Variants in PRDM5 observed in about 807,000 individuals in gnomAD.
PRDM5 encodes PR/SET domain 5, also known as PR domain zinc finger protein 5.
Under a neutral mutation model 81.2 loss-of-function variants are expected in PRDM5, and 56 were observed. The observed-to-expected ratio is 0.69, with a 90% CI of 0.56 to 0.86. The LOEUF is 0.86. Among genes scored for constraint, PRDM5 ranks in the 40% least tolerant of loss-of-function variants. The pLI is 0.00. For synonymous variants in PRDM5, 267 were observed against 256.4 expected (o/e 1.04, Z -0.39); for missense variants, 697 against 770.1 (o/e 0.91, Z 1.12).
intron 2 of PRDM5, among the ~76,000 whole-genome samples, chr4:120,888,935 T>A (rs1021722835): frequency 1.2e-4 from 19 of 152,202 alleles, no homozygotes; most frequent in Non-Finnish European, 2.1e-4. Context: ...TTCTTTTTTT[T>A]AAATTGATTT....
chr4:120,773,047 T>A (rs1380705314), intron 13 of PRDM5, among the ~76,000 whole-genome samples: 1 of 152,208 alleles, frequency 6.6e-6, no homozygotes. Flanking sequence ...CCTTTGTGTA[T>A]AATCTTTTTA....
intron 2 of PRDM5, among the ~76,000 whole-genome samples, chr4:120,867,752 T>C (rs1761352127): frequency 6.6e-6 from 1 of 152,240 alleles, no homozygotes; most frequent in African/African-American, 2.4e-5. Context: ...AACTACCCTT[T>C]AAAATAAGTC....
chr4:120,819,952 A>T (rs1480841611), intron 4 of PRDM5, among the ~76,000 whole-genome samples: 1 of 152,230 alleles, frequency 6.6e-6, no homozygotes, highest in Non-Finnish European at 1.5e-5. Flanking sequence ...ATGCAGTTAG[A>T]ACAGAAAAAG....
chr4:120,816,137 C>A, intron 7 of PRDM5: 1 of 321,730 alleles, frequency 3.1e-6, no homozygotes, highest in Non-Finnish European at 5.9e-6. Context: ...AGAAATGTCA[C>A]ATGCCAAAAC....
intron 13 of PRDM5, among the ~76,000 whole-genome samples, chr4:120,760,771 A>G (rs1174022872): frequency 6.6e-6 from 1 of 151,980 alleles, no homozygotes; most frequent in Admixed American, 6.6e-5. Context: ...AGCACATACC[A>G]TCTTCTAGTT....
At chr4:120,749,901 T>TAC (rs1168564622) in intron 14 of PRDM5, among the ~76,000 whole-genome samples, 2 of 152,022 alleles carry the variant, frequency 1.3e-5, no homozygotes, top group East Asian at 3.9e-4. Flanking sequence ...GCCCCAAACC[T>TAC]TCTACTCTAA....
At chr4:120,699,010 C>T (rs1734913453) in intron 15 of PRDM5, among the ~76,000 whole-genome samples, 1 of 150,716 alleles carries the variant, frequency 6.6e-6, no homozygotes, top group Non-Finnish European at 1.5e-5. Flanking sequence ...TAAAGACAGA[C>T]AAAATTTTGA....
chr4:120,916,887 ACTG>A (rs1209070869), intron 1 of PRDM5, among the ~76,000 whole-genome samples: 8 of 152,164 alleles, frequency 5.3e-5, no homozygotes, highest in Admixed American at 2.6e-4. Flanking sequence ...CTTGGTCTAA[ACTG>A]CTATCACCTC....
intron 2 of PRDM5, among the ~76,000 whole-genome samples, chr4:120,892,608 G>A (rs1207828186): frequency 1.3e-5 from 2 of 152,160 alleles, no homozygotes; most frequent in Admixed American, 1.3e-4. Flanking sequence ...TCACAGGGGC[G>A]CACCTGCCCA....
intron 2 of PRDM5, among the ~76,000 whole-genome samples, chr4:120,865,060 G>A (rs1297438508): frequency 6.6e-6 from 1 of 152,176 alleles, no homozygotes; most frequent in Non-Finnish European, 1.5e-5. Context: ...TGCAGCAGAA[G>A]ACATTTTCTA....
chr4:120,776,208 T>A (rs1748133148), intron 13 of PRDM5, among the ~76,000 whole-genome samples: 1 of 152,214 alleles, frequency 6.6e-6, no homozygotes. Flanking sequence ...TTAAAAGTAT[T>A]TAAGTACCTA....
chr4:120,858,316 G>A (rs1760117801), intron 2 of PRDM5, among the ~76,000 whole-genome samples: 1 of 152,118 alleles, frequency 6.6e-6, no homozygotes, highest in African/African-American at 2.4e-5. Flanking sequence ...TGCCTTCAGT[G>A]TTTAATTATC....
chr4:120,820,184 C>T (rs1755078711), intron 4 of PRDM5, among the ~76,000 whole-genome samples: 1 of 152,158 alleles, frequency 6.6e-6, no homozygotes, highest in African/African-American at 2.4e-5. Flanking sequence ...ACTGTGTCCT[C>T]ATGTATGGGC....
chr4:120,912,181 G>T (rs1425846928), intron 1 of PRDM5, among the ~76,000 whole-genome samples: 2 of 152,100 alleles, frequency 1.3e-5, no homozygotes, highest in African/African-American at 4.8e-5. Context: ...AGCAGTATCA[G>T]CTCACAGATT....
intron 2 of PRDM5, among the ~76,000 whole-genome samples, chr4:120,888,387 C>G (rs1763696193): frequency 6.6e-6 from 1 of 152,198 alleles, no homozygotes; most frequent in Admixed American, 6.5e-5. Flanking sequence ...TCCATTTTCT[C>G]TAGCTTATTT....
At chr4:120,769,503 A>G (rs544561300) in intron 13 of PRDM5, among the ~76,000 whole-genome samples, 4 of 152,330 alleles carry the variant, frequency 2.6e-5, no homozygotes, top group Non-Finnish European at 5.9e-5. Context: ...TCGGTAGTTG[A>G]TAAGTCTCAT....
At chr4:120,919,658 T>C (rs1343706064) in intron 1 of PRDM5, among the ~76,000 whole-genome samples, 1 of 150,920 alleles carries the variant, frequency 6.6e-6, no homozygotes, top group Non-Finnish European at 1.5e-5. Flanking sequence ...TATACTTAAT[T>C]TATGAGTTTT....
chr4:120,826,794 C>T (rs1756049723), intron 3 of PRDM5, among the ~76,000 whole-genome samples: 1 of 152,204 alleles, frequency 6.6e-6, no homozygotes, highest in Admixed American at 6.5e-5. Context: ...GAAGGGAAAG[C>T]AGATGCCATT....
At chr4:120,833,341 A>T (rs1037256560) in intron 3 of PRDM5, among the ~76,000 whole-genome samples, 3 of 151,986 alleles carry the variant, frequency 2.0e-5, no homozygotes, top group Non-Finnish European at 4.4e-5. Context: ...GTCACTTGGT[A>T]GCCTTCTCGG....
Sources: gnomAD v4.1 joint callset for allele counts (sites outside exome capture counted in the v4.1 genomes callset) on GRCh38, gnomAD v4.1.1 for gene constraint, MANE v1.5 for transcripts, NCBI Gene and HGNC (gene_info 2026-07-23, HGNC 2026-07-21) for gene names.